The following ARID1B variants were observed in gnomAD, a reference collection of about 807,000 sequenced individuals.
ARID1B encodes AT-rich interactive domain-containing protein 1B.
In ARID1B, 30 loss-of-function variants were observed where a neutral mutation model predicts 212.3. That is an observed-to-expected ratio of 0.14 (90% CI 0.11 to 0.19). The LOEUF is 0.19. ARID1B is among the 10% of genes least tolerant of loss of function. The probability of loss-of-function intolerance (pLI) is 1.00; values close to 1 mark genes in which losing one functional copy is unlikely to be tolerated. For missense variants in ARID1B, 2,891 were observed against 3,204.0 expected (o/e 0.90, Z 2.36); for synonymous variants, 1,402 against 1,301.7 (o/e 1.08, Z -1.66).
intron 5 of ARID1B, among the ~76,000 whole-genome samples, chr6:157,097,075 G>A (rs972891923): frequency 4.6e-5 from 7 of 152,052 alleles, no homozygotes; most frequent in South Asian, 4.1e-4. Flanking sequence ...TAGCTGTCTC[G>A]TTCTTTACTT....
chr6:156,867,104 T>G (rs1400650889), intron 2 of ARID1B, among the ~76,000 whole-genome samples: 1 of 152,220 alleles, frequency 6.6e-6, no homozygotes, highest in Admixed American at 6.5e-5. Context: ...CATTGCATAC[T>G]CTGACAGACG....
chr6:157,032,368 A>G (rs1350642496), intron 4 of ARID1B, among the ~76,000 whole-genome samples: 1 of 152,150 alleles, frequency 6.6e-6, no homozygotes, highest in Admixed American at 6.5e-5. Flanking sequence ...TTTTTCTAAT[A>G]TGTTATTTTA....
At chr6:157,008,743 C>T (rs1040549608) in intron 4 of ARID1B, among the ~76,000 whole-genome samples, 7 of 151,938 alleles carry the variant, frequency 4.6e-5, no homozygotes, top group Admixed American at 2.6e-4. Flanking sequence ...CCTCTGGGTA[C>T]GGGATCGGCG....
At chr6:157,115,635 G>T (rs1787277663) in intron 6 of ARID1B, among the ~76,000 whole-genome samples, 1 of 152,146 alleles carries the variant, frequency 6.6e-6, no homozygotes, top group Non-Finnish European at 1.5e-5. Context: ...CACCATGTTA[G>T]CCAGGATGGT....
chr6:157,119,316 C>T (rs1242475502), intron 6 of ARID1B, among the ~76,000 whole-genome samples: 2 of 152,196 alleles, frequency 1.3e-5, no homozygotes, highest in Non-Finnish European at 2.9e-5. Flanking sequence ...GAGAGCATGT[C>T]ATTCCTCACC....
At chr6:157,153,123 T>G (rs986806897) in intron 8 of ARID1B, among the ~76,000 whole-genome samples, 7 of 151,958 alleles carry the variant, frequency 4.6e-5, no homozygotes, top group African/African-American at 1.5e-4. Flanking sequence ...GGTTAGAAAC[T>G]GTTTTATTAA....
chr6:156,953,422 AAGAAGATGGT>A lies in ARID1B; in HGVS notation c.2247+17851_2247+17860del, dbSNP rs1793733669. On this transcript the variant is annotated intron_variant, in intron 4 of 19. Transcript: ENST00000636930. ...GCAGTCACTCTTAATTTGAATGAGA[AAGAAGATGGT>A]AGAAACTATTTTTATTTTCTCCTGG... 4.6e-5 allele frequency among the ~76,000 whole-genome samples: 7 copies of A among 152,368 alleles called. 1 individual carries two copies. The South Asian group carries it at 1.4e-3, about 32-fold the overall frequency.
rs1794650604 is a variant in ARID1B, at chr6:157,208,993, G to A, written c.*1102G>A. On this transcript the variant is annotated 3_prime_UTR_variant, in exon 20 of 20. Transcript: ENST00000636930. ...TCAAGGTGTGGAAATGGTTATATATGGATTGATTTAGAAAATGGTTACCAG... is the reference window on the plus strand; with the variant it reads ...TCAAGGTGTGGAAATGGTTATATATAGATTGATTTAGAAAATGGTTACCAG... The A allele has an allele frequency of 8.7e-6, 2 of 229,548 alleles. No homozygotes were observed. Among genetic ancestry groups the A allele is most frequent in the Non-Finnish European group, 1.7e-5 (2 of 116,174 alleles). The allele number at this position is 229,548 out of a possible 1,614,324, so 14.2% of individuals were successfully genotyped here. A position where few individuals can be genotyped will look rare whatever the true frequency, so the allele number is the denominator to read the frequency against.
chr6:157,192,115 A>G (rs1360691326), intron 15 of ARID1B, among the ~76,000 whole-genome samples: 1 of 152,212 alleles, frequency 6.6e-6, no homozygotes, highest in Non-Finnish European at 1.5e-5. Context: ...TAGGACATGC[A>G]GTAAATCCAT....
chr6:157,087,707 G>A (rs1304027959), intron 5 of ARID1B, among the ~76,000 whole-genome samples: 1 of 152,000 alleles, frequency 6.6e-6, no homozygotes, highest in African/African-American at 2.4e-5. Flanking sequence ...TCCCAGTAAT[G>A]ACTTGGTGTG....
intron 5 of ARID1B, among the ~76,000 whole-genome samples, chr6:157,109,690 C>T (rs968409893): frequency 3.9e-5 from 6 of 152,296 alleles, no homozygotes; most frequent in Admixed American, 1.3e-4. Flanking sequence ...CTCATTATCT[C>T]TCTTTTATCA....
At chr6:156,922,051 C>A (rs1321136054) in intron 3 of ARID1B, among the ~76,000 whole-genome samples, 1 of 152,182 alleles carries the variant, frequency 6.6e-6, no homozygotes, top group Non-Finnish European at 1.5e-5. Flanking sequence ...ACCTCTTTAT[C>A]CAGCACGCGG....
chr6:156,873,664 C>T (rs906465208), intron 2 of ARID1B, among the ~76,000 whole-genome samples: 2 of 152,234 alleles, frequency 1.3e-5, no homozygotes, highest in Non-Finnish European at 2.9e-5. Flanking sequence ...GAGTCTTGTG[C>T]AGCAGAGCTT....
At chr6:156,809,941 C>A (rs1781450448) in intron 1 of ARID1B, among the ~76,000 whole-genome samples, 1 of 152,090 alleles carries the variant, frequency 6.6e-6, no homozygotes, top group East Asian at 1.9e-4. Flanking sequence ...CAGCTCTGAA[C>A]TTGAGGATTT....
chr6:156,987,576 C>T (rs374273961), intron 4 of ARID1B, among the ~76,000 whole-genome samples: 4 of 152,164 alleles, frequency 2.6e-5, no homozygotes, highest in South Asian at 4.1e-4. Context: ...GTGATCCGCC[C>T]GCCTCGGCCT....
chr6:157,050,006 C>T (rs1782488221), intron 4 of ARID1B, among the ~76,000 whole-genome samples: 2 of 152,112 alleles, frequency 1.3e-5, no homozygotes, highest in South Asian at 2.1e-4. Context: ...ACGCCTGTGG[C>T]CTCCAAGGAG....
In ARID1B at chr6:157,206,295, G is replaced by T; in HGVS notation, c.5523G>T (p.Lys1841Asn). 1.9e-6 allele frequency: 3 copies of T among 1,614,230 alleles called. No individual in the cohort carries two copies. Among genetic ancestry groups the T allele is most frequent in the Non-Finnish European group, 2.5e-6 (3 of 1,180,040 alleles). The change falls in exon 20 of 20, where the codon AAG becomes AAT. Residue 1841 changes from lysine to asparagine, a missense_variant. Physicochemically the swap from Lys to Asn is moderately conservative, Grantham distance 94. This residue lies in a region of ARID1B where 332 missense variants were observed against 369.2 expected (regional missense o/e 0.90). Transcript: ENST00000636930. The surrounding 1 kb of genome is among the most constrained non-coding windows in gnomAD (Gnocchi z 6.8). ...QKALDHNAAR[K>N]DDSQSLADDS... is the part of the protein sequence containing the mutation. Reference sequence around the variant, plus strand: ...CACTTGATCACAACGCAGCAAGGAAGGATGACAGCCAGTCCTTGGCAGACG... The same window carrying T: ...CACTTGATCACAACGCAGCAAGGAATGATGACAGCCAGTCCTTGGCAGACG...
At chr6:157,018,986 C>T (rs1015608100) in intron 4 of ARID1B, among the ~76,000 whole-genome samples, 8 of 151,984 alleles carry the variant, frequency 5.3e-5, no homozygotes, top group Non-Finnish European at 1.2e-4. Context: ...AAAAAAAATA[C>T]GGTAGGCTCA....
chr6:156,861,919 T>C (rs769089635), intron 2 of ARID1B, among the ~76,000 whole-genome samples: 1 of 152,186 alleles, frequency 6.6e-6, no homozygotes, highest in Non-Finnish European at 1.5e-5. Flanking sequence ...GAGGTAGGAC[T>C]GACCCAAAGG....
Sources: allele counts gnomAD v4.1 joint callset (sites outside exome capture counted in the v4.1 genomes callset), GRCh38; gene constraint gnomAD v4.1.1; regional missense constraint gnomAD v4.1.1; non-coding constraint Gnocchi (gnomAD v3.1); transcripts MANE v1.5; gene names NCBI Gene and HGNC (gene_info 2026-07-23, HGNC 2026-07-21).